Variants in EFCAB6 observed in about 807,000 individuals in gnomAD.
EFCAB6 encodes the protein EF-hand calcium binding domain 6, also known as EF-hand calcium-binding domain-containing protein 6.
EFCAB6 carries 156 observed loss-of-function variants against 169.8 expected under a neutral mutation model. The ratio of observed to expected loss-of-function variants is 0.92; its 90% confidence interval spans 0.81 to 1.05. The LOEUF is 1.05. EFCAB6 is among the 50% of genes least tolerant of loss of function. EFCAB6 has a pLI of 0.00. For missense variants in EFCAB6, 1,800 were observed against 1,829.1 expected (o/e 0.98, Z 0.29); for synonymous variants, 698 against 676.4 (o/e 1.03, Z -0.50).
At chr22:43,809,449 A>G (rs982130076) in intron 1 of EFCAB6, among the ~76,000 whole-genome samples, 4 of 152,088 alleles carry the variant, frequency 2.6e-5, no homozygotes, top group Non-Finnish European at 5.9e-5. Flanking sequence ...CTTGTAGAGT[A>G]TATAAGTGTT....
chr22:43,676,446 T>TCAACCATG (rs2057766600), intron 13 of EFCAB6, among the ~76,000 whole-genome samples: 1 of 150,260 alleles, frequency 6.7e-6, no homozygotes, highest in Admixed American at 6.6e-5. Context: ...AAGAATGAGT[T>TCAACCATG]CAACCATGTA....
At chr22:43,664,576 G>C (rs182355065) in intron 17 of EFCAB6, among the ~76,000 whole-genome samples, 4 of 152,218 alleles carry the variant, frequency 2.6e-5, no homozygotes, top group Admixed American at 1.3e-4. Flanking sequence ...GGTCACCTTG[G>C]TGGAGGAAGA....
intron 8 of EFCAB6, among the ~76,000 whole-genome samples, chr22:43,718,734 T>C (rs754488792): frequency 6.6e-6 from 1 of 152,154 alleles, no homozygotes; most frequent in Non-Finnish European, 1.5e-5. Flanking sequence ...TGAGCTGAGA[T>C]CATGCCACTG....
At chr22:43,559,547 A>T (rs760158360) in intron 26 of EFCAB6, among the ~76,000 whole-genome samples, 2 of 152,254 alleles carry the variant, frequency 1.3e-5, no homozygotes, top group South Asian at 2.1e-4. Context: ...ATTCTACTAT[A>T]AAGACACATA....
chr22:43,576,467 C>T lies in EFCAB6; in HGVS notation c.3250G>A (p.Glu1084Lys). ...LSTAFSALDKEDTGFVKATEF... is the reference protein window; with the variant it reads ...LSTAFSALDKKDTGFVKATEF... ...GTAGCCTTTACAAATCCTGTATCCTCTTTATCCAATGCAGAAAATGCCTAA... is the reference window on the plus strand; with the variant it reads ...GTAGCCTTTACAAATCCTGTATCCTTTTTATCCAATGCAGAAAATGCCTAA... The change falls in exon 26 of 32, where the codon GAG becomes AAG. Residue 1084 changes from glutamate to lysine, a missense_variant. By Grantham distance (56) the Glu-to-Lys change is moderately conservative (BLOSUM62 1). Transcript: ENST00000262726. The T allele has an allele frequency of 6.5e-7, 1 of 1,549,610 alleles. No homozygotes were observed. Among genetic ancestry groups the T allele is most frequent in the Non-Finnish European group, 8.6e-7 (1 of 1,157,456 alleles).
intron 20 of EFCAB6, 75 bp downstream of exon 20, chr22:43,626,372 G>A (rs1163895630): frequency 2.3e-5 from 32 of 1,405,938 alleles, no homozygotes; most frequent in South Asian, 1.9e-4. Context: ...CTTTGCGGAC[G>A]CCATGGAAAT....
intron 17 of EFCAB6, among the ~76,000 whole-genome samples, chr22:43,639,635 T>C (rs1007480754): frequency 4.6e-5 from 7 of 152,198 alleles, no homozygotes; most frequent in Non-Finnish European, 5.9e-5. Flanking sequence ...CTTTGTAATA[T>C]CCTACTTGGG....
At chr22:43,684,642 C>T (rs1053304786) in intron 11 of EFCAB6, among the ~76,000 whole-genome samples, 5 of 152,228 alleles carry the variant, frequency 3.3e-5, no homozygotes, top group Admixed American at 3.3e-4. Flanking sequence ...ATACAGCCAT[C>T]TTAGCTTCTT....
chr22:43,760,203 C>CAAAAAAAAAAAAAAAAAAAA (rs371022953), intron 5 of EFCAB6, among the ~76,000 whole-genome samples: 1 of 104,658 alleles, frequency 9.6e-6, no homozygotes, highest in Non-Finnish European at 1.9e-5. Context: ...GACTCTGTCT[C>CAAAAAAAAAAAAAAAAAAAA]AAAAAAAAAA....
Position 43,731,811 on chromosome 22 carries a change from C to A in EFCAB6, c.645G>T (p.Lys215Asn), listed in dbSNP as rs1461127279. 7 of 1,552,422 alleles carry A rather than the reference C, an allele frequency of 4.5e-6. No homozygotes were observed. In the Admixed American group the frequency reaches 8.4e-5, roughly 19 times the overall value. Residue 215 changes from lysine (K) to asparagine (N), a missense_variant and splice_region_variant, in exon 8 of 32, where the codon AAG becomes AAT. Coordinates refer to ENST00000262726, the MANE Select transcript of EFCAB6 (RefSeq NM_022785.4). ...TGTGGATGTTGTAGTGTTTCGAAAA[C>A]CTAAAATACAAATGTTCTTTAGTAA... Reference protein sequence around the residue: ...CMKLRDEEYEKFSKHYNIHKD... With the variant: ...CMKLRDEEYENFSKHYNIHKD...
intron 10 of EFCAB6, among the ~76,000 whole-genome samples, chr22:43,706,485 G>A (rs1183857936): frequency 1.3e-5 from 2 of 152,236 alleles, no homozygotes; most frequent in African/African-American, 4.8e-5. Context: ...AGTTCTTTGA[G>A]GGCAGCAATC....
chr22:43,743,543 G>A (rs2060447182), intron 6 of EFCAB6, among the ~76,000 whole-genome samples: 1 of 152,180 alleles, frequency 6.6e-6, no homozygotes, highest in Non-Finnish European at 1.5e-5. Flanking sequence ...TAGGTGTGTG[G>A]TGTGTGCTTA....
chr22:43,561,872 A>G (rs1266726027), intron 26 of EFCAB6, among the ~76,000 whole-genome samples: 1 of 152,178 alleles, frequency 6.6e-6, no homozygotes, highest in African/African-American at 2.4e-5. Flanking sequence ...ACACGTTCCA[A>G]TATTAACTGC....
intron 10 of EFCAB6, among the ~76,000 whole-genome samples, chr22:43,692,863 G>C (rs2058456939): frequency 6.6e-6 from 1 of 152,040 alleles, no homozygotes; most frequent in Admixed American, 6.6e-5. Flanking sequence ...TTTGATTAAA[G>C]ATATACATTT....
At position 43,626,587 on chromosome 22, in the gene EFCAB6, A is replaced by G. The variant is rs1380924239; in HGVS notation, c.2325T>C (p.Leu775=). The part of the protein sequence containing the change: ...DLHRLLLHLL[L]NLKDDEFERF... ...GCTCAAACTCGTCGTCTTTGAGATT[A>G]AGCAGTAGATGCAGGAGCAGTCTGT... is the stretch of plus-strand genomic sequence containing the variant. The change falls in exon 20 of 32, where the codon CTT becomes CTC. Residue 775 remains leucine, a synonymous_variant. Transcript: ENST00000262726. 6.2e-6 allele frequency: 10 copies of G among 1,614,246 alleles called. No individual in the cohort carries two copies. Among genetic ancestry groups the G allele is most frequent in the Non-Finnish European group, 8.5e-6 (10 of 1,180,046 alleles).
intron 10 of EFCAB6, among the ~76,000 whole-genome samples, chr22:43,700,519 T>C (rs1309054103): frequency 6.6e-6 from 1 of 152,224 alleles, no homozygotes; most frequent in Non-Finnish European, 1.5e-5. Context: ...TTTCTCTTGG[T>C]GTACAGTTGT....
chr22:43,779,969 G>A (rs939421256), intron 3 of EFCAB6, among the ~76,000 whole-genome samples: 6 of 152,036 alleles, frequency 3.9e-5, no homozygotes, highest in Admixed American at 3.9e-4. Context: ...AAAGCAAAAG[G>A]CATAAGCCTG....
intron 10 of EFCAB6, among the ~76,000 whole-genome samples, chr22:43,710,581 C>T (rs137828): frequency 0.54 from 82,140 of 151,970 alleles, 22,623 homozygotes; most frequent in East Asian, 0.77. Flanking sequence ...GTCTTGTTGT[C>T]ACCAAATAGT....
At chr22:43,567,930 C>T (rs2049557996) in intron 26 of EFCAB6, among the ~76,000 whole-genome samples, 2 of 152,200 alleles carry the variant, frequency 1.3e-5, no homozygotes, top group African/African-American at 2.4e-5. Flanking sequence ...CCGATTTCAC[C>T]GAAGTCCAAC....
Sources: gnomAD v4.1 joint callset for allele counts (sites outside exome capture counted in the v4.1 genomes callset) on GRCh38, gnomAD v4.1.1 for gene constraint, MANE v1.5 for transcripts, NCBI Gene and HGNC (gene_info 2026-07-23, HGNC 2026-07-21) for gene names.